Variants in CLSTN2 observed in about 807,000 individuals in gnomAD.
CLSTN2 encodes the protein calsyntenin-2.
In CLSTN2, 48 loss-of-function variants were observed where a neutral mutation model predicts 101.2. The ratio of observed to expected loss-of-function variants is 0.47; its 90% CI spans 0.38 to 0.60. CLSTN2 has a LOEUF of 0.60. Among genes scored for constraint, CLSTN2 ranks in the 20% least tolerant of loss-of-function variants. The pLI is 0.00. For missense variants in CLSTN2, 1,160 were observed against 1,238.2 expected (o/e 0.94, Z 0.95); for synonymous variants, 481 against 463.6 (o/e 1.04, Z -0.48).
chr3:140,049,883 C>G (rs1046422362), intron 1 of CLSTN2, among the ~76,000 whole-genome samples: 1 of 152,116 alleles, frequency 6.6e-6, no homozygotes, highest in African/African-American at 2.4e-5. Context: ...CCCTCCAGAT[C>G]TCTTCTCTAC....
intron 2 of CLSTN2, among the ~76,000 whole-genome samples, chr3:140,289,098 T>C (rs1316450549): frequency 6.6e-6 from 1 of 152,180 alleles, no homozygotes; most frequent in African/African-American, 2.4e-5. Flanking sequence ...AGCCCCAGTG[T>C]AGCTAATGTG....
intron 7 of CLSTN2, among the ~76,000 whole-genome samples, chr3:140,464,826 C>T (rs1008905746): frequency 1.1e-4 from 17 of 152,282 alleles, no homozygotes; most frequent in African/African-American, 3.6e-4. Context: ...CCAATCCAGA[C>T]GCTAAAAATG....
chr3:140,095,554 G>A (rs1303717672), intron 1 of CLSTN2, among the ~76,000 whole-genome samples: 1 of 152,186 alleles, frequency 6.6e-6, no homozygotes, highest in African/African-American at 2.4e-5. Context: ...TTCTGATCAC[G>A]TCATGCATTT....
chr3:140,352,420 C>T (rs1304539262), intron 2 of CLSTN2, among the ~76,000 whole-genome samples: 1 of 152,190 alleles, frequency 6.6e-6, no homozygotes, highest in Non-Finnish European at 1.5e-5. Flanking sequence ...CAATATCAAG[C>T]TGGACTCAGA....
At chr3:140,163,530 T>C (rs1307153145) in intron 1 of CLSTN2, among the ~76,000 whole-genome samples, 1 of 151,926 alleles carries the variant, frequency 6.6e-6, no homozygotes, top group African/African-American at 2.4e-5. Context: ...CCCTGACTGT[T>C]CATTCCCCAG....
intron 5 of CLSTN2, among the ~76,000 whole-genome samples, chr3:140,436,282 A>T (rs963978715): frequency 9.9e-5 from 15 of 152,206 alleles, no homozygotes; most frequent in Non-Finnish European, 1.9e-4. Flanking sequence ...GATGGGGTCT[A>T]GTTTCATTCT....
Position 140,313,422 on chromosome 3 carries a change from G to T in CLSTN2, c.233-90207G>T, listed in dbSNP as rs150615087. On this transcript the variant is annotated intron_variant, in intron 2 of 16. Transcript: ENST00000458420. ...GGAATTTTTTTTCCACCTAGGGAGG[G>T]CCCTCACGAAAGACTCCATAGAATA... Among the ~76,000 whole-genome samples the T allele has an allele frequency of 2.1e-3, 324 of 152,228 alleles. 1 individual carries two copies. The highest frequency in any genetic ancestry group is 7.5e-3 in the African/African-American group (310 of 41,558).
intron 1 of CLSTN2, among the ~76,000 whole-genome samples, chr3:140,094,713 A>G (rs1252889190): frequency 6.6e-6 from 1 of 152,208 alleles, no homozygotes; most frequent in Non-Finnish European, 1.5e-5. Flanking sequence ...CAGCAGTGGC[A>G]GACAAAGGCT....
chr3:140,306,457 G>C (rs1200722417), intron 2 of CLSTN2, among the ~76,000 whole-genome samples: 1 of 152,130 alleles, frequency 6.6e-6, no homozygotes, highest in Non-Finnish European at 1.5e-5. Context: ...ACTATGCTGT[G>C]GTCTTGGGTA....
chr3:140,143,912 A>G (rs2009740924), intron 1 of CLSTN2, among the ~76,000 whole-genome samples: 1 of 152,216 alleles, frequency 6.6e-6, no homozygotes, highest in East Asian at 1.9e-4. Flanking sequence ...TCCGCTCTGT[A>G]GATACTAAAC....
intron 1 of CLSTN2, among the ~76,000 whole-genome samples, chr3:140,047,656 T>C (rs998386418): frequency 5.3e-5 from 8 of 152,220 alleles, no homozygotes; most frequent in Non-Finnish European, 1.2e-4. Context: ...ATCTTCTCAC[T>C]GGTGGGGACT....
chr3:140,045,056 G>T (rs1281513744), intron 1 of CLSTN2, among the ~76,000 whole-genome samples: 1 of 152,206 alleles, frequency 6.6e-6, no homozygotes, highest in African/African-American at 2.4e-5. Flanking sequence ...AAATGAGTTA[G>T]AGAGGATTCT....
rs1167534402 is a variant in CLSTN2, at chr3:140,556,669, G to A, written c.1823+8G>A. The A allele has an allele frequency of 1.2e-6, 2 of 1,613,510 alleles. No homozygotes were observed. The highest frequency in any genetic ancestry group is 1.3e-5 in the African/African-American group (1 of 74,910). On this transcript the variant is annotated splice_region_variant and intron_variant, in intron 11 of 16. Coordinates refer to ENST00000458420, the MANE Select transcript of CLSTN2 (RefSeq NM_022131.3). ...AGTATCCTCCAAAGTCCAGTGAGTGGACGCTGGTCAGCCTGGGGCCAACTG... is the reference window on the plus strand; with the variant it reads ...AGTATCCTCCAAAGTCCAGTGAGTGAACGCTGGTCAGCCTGGGGCCAACTG...
intron 2 of CLSTN2, among the ~76,000 whole-genome samples, chr3:140,365,867 A>G (rs2087782476): frequency 1.3e-5 from 2 of 152,202 alleles, no homozygotes; most frequent in Admixed American, 1.3e-4. Context: ...CTAGAGAGAA[A>G]TCGAGGAACA....
intron 5 of CLSTN2, among the ~76,000 whole-genome samples, chr3:140,431,032 G>A (rs1264309056): frequency 6.6e-6 from 1 of 152,188 alleles, no homozygotes; most frequent in Non-Finnish European, 1.5e-5. Context: ...TTAGAAGAGA[G>A]ACATAGCCTG....
chr3:140,046,336 C>T (rs928825603), intron 1 of CLSTN2, among the ~76,000 whole-genome samples: 2 of 152,044 alleles, frequency 1.3e-5, no homozygotes, highest in Non-Finnish European at 2.9e-5. Flanking sequence ...GGATTGCAAC[C>T]CCTGCCTTTT....
In CLSTN2 at chr3:140,060,247, C is replaced by T. The variant is rs1026089081; in HGVS notation, c.110-115704C>T. 4.6e-5 allele frequency among the ~76,000 whole-genome samples: 7 copies of T among 152,262 alleles called. No individual in the cohort carries two copies. In the South Asian group the frequency reaches 6.2e-4, roughly 14 times the overall value. ...CGTTGTGAAAGCTGAAAGACTGGTT[C>T]TCCAGATGGTAGGAGAGTAAACTTG... is the stretch of plus-strand genomic sequence containing the variant. On this transcript the variant is annotated intron_variant, in intron 1 of 16. Transcript: ENST00000458420.
rs548104856 is a variant in CLSTN2, at chr3:140,395,751, T to G, written c.233-7878T>G. 2.6e-5 allele frequency among the ~76,000 whole-genome samples: 4 copies of G among 151,852 alleles called. No individual in the cohort carries two copies. In the East Asian group the frequency reaches 7.7e-4, roughly 29 times the overall value. The stretch of plus-strand genomic sequence containing the variant: ...TGATTGGCACTTTTCCTTTCCTGTC[T>G]TATTATACTTAAAGTGACTAGAGAT... On this transcript the variant is annotated intron_variant, in intron 2 of 16. Coordinates refer to ENST00000458420, the MANE Select transcript of CLSTN2 (RefSeq NM_022131.3).
intron 5 of CLSTN2, among the ~76,000 whole-genome samples, chr3:140,443,988 G>A (rs1933020667): frequency 6.6e-6 from 1 of 152,158 alleles, no homozygotes; most frequent in Non-Finnish European, 1.5e-5. Flanking sequence ...TGCCCTCAAG[G>A]TCAGACACTG....
Sources: gnomAD v4.1 joint callset for allele counts (sites outside exome capture counted in the v4.1 genomes callset) on GRCh38, gnomAD v4.1.1 for gene constraint, MANE v1.5 for transcripts, NCBI Gene and HGNC (gene_info 2026-07-23, HGNC 2026-07-21) for gene names.